The following PARN variants were observed in gnomAD, a reference collection of about 807,000 sequenced individuals.
The protein encoded by PARN is poly(A)-specific ribonuclease.
Under a neutral mutation model 102.8 loss-of-function variants are expected in PARN, and 71 were observed. The observed-to-expected ratio is 0.69, with a 90% confidence interval of 0.57 to 0.84. PARN has a LOEUF of 0.84. PARN is among the 40% of genes least tolerant of loss of function. PARN has a pLI of 0.00. For synonymous variants in PARN, 261 were observed against 252.9 expected, an observed-to-expected ratio of 1.03 and a Z score of -0.30; for missense variants, 782 against 760.9, an observed-to-expected ratio of 1.03 and a Z score of -0.33.
intron 22 of PARN, among the ~76,000 whole-genome samples, chr16:14,461,802 T>C (rs374462043): frequency 2.0e-5 from 3 of 152,342 alleles, no homozygotes; most frequent in South Asian, 2.1e-4. Flanking sequence ...CTTTTGATTA[T>C]CCATTTGAAA....
intron 21 of PARN, among the ~76,000 whole-genome samples, chr16:14,535,114 G>A (rs1300781030): frequency 1.3e-5 from 2 of 152,174 alleles, no homozygotes; most frequent in African/African-American, 2.4e-5. Context: ...GATTCCAGGC[G>A]TGAGCCATCG....
At chr16:14,589,739 G>A (rs889977353) in intron 13 of PARN, among the ~76,000 whole-genome samples, 7 of 151,528 alleles carry the variant, frequency 4.6e-5, no homozygotes, top group African/African-American at 7.3e-5. Context: ...GGTGGCAAGC[G>A]CCTGTTAATT....
chr16:14,606,838 G>A (rs957476621), intron 9 of PARN, among the ~76,000 whole-genome samples: 1 of 150,406 alleles, frequency 6.6e-6, no homozygotes, highest in East Asian at 2.0e-4. Flanking sequence ...CTGGAGGGCA[G>A]TGGCGCGATC....
At chr16:14,479,394 C>A (rs1288138703) in intron 22 of PARN, among the ~76,000 whole-genome samples, 1 of 151,656 alleles carries the variant, frequency 6.6e-6, no homozygotes, top group Non-Finnish European at 1.5e-5. Flanking sequence ...GTACTCTACC[C>A]TGGATGACAG....
intron 3 of PARN, 26 bp downstream of exon 3, chr16:14,628,146 A>G (rs763735993): frequency 2.2e-6 from 3 of 1,336,014 alleles, no homozygotes; most frequent in South Asian, 1.2e-5. Context: ...TGAGAAAGAA[A>G]AAGATTTCCT....
chr16:14,476,032 T>A (rs568986108), intron 22 of PARN, among the ~76,000 whole-genome samples: 1 of 152,236 alleles, frequency 6.6e-6, no homozygotes, highest in East Asian at 1.9e-4. Context: ...AGTAGTACAT[T>A]TTTTACTTGA....
chr16:14,551,570 AAAC>A (rs977782212), intron 21 of PARN, among the ~76,000 whole-genome samples: 9 of 152,166 alleles, frequency 5.9e-5, no homozygotes, highest in Non-Finnish European at 1.2e-4. Flanking sequence ...CTATGTCTCA[AAAC>A]AACAACAACA....
chr16:14,470,599 C>T (rs145135925), intron 22 of PARN, among the ~76,000 whole-genome samples: 1,999 of 147,052 alleles, frequency 0.014, 15 homozygotes, highest in Non-Finnish European at 0.023. Flanking sequence ...GCTGGGACTA[C>T]AGGGGCACAC....
chr16:14,477,857 C>T (rs538493073), intron 22 of PARN, among the ~76,000 whole-genome samples: 1 of 152,076 alleles, frequency 6.6e-6, no homozygotes, highest in African/African-American at 2.4e-5. Context: ...AAGAAAATTA[C>T]AGTCTAATAT....
chr16:14,588,777 G>C (rs1338901187), intron 13 of PARN, among the ~76,000 whole-genome samples: 1 of 152,106 alleles, frequency 6.6e-6, no homozygotes, highest in Non-Finnish European at 1.5e-5. Flanking sequence ...AGCTACTTGA[G>C]AGACTGAGAC....
chr16:14,608,692 C>A (rs1429779837), intron 8 of PARN, among the ~76,000 whole-genome samples: 2 of 152,166 alleles, frequency 1.3e-5, no homozygotes, highest in Non-Finnish European at 2.9e-5. Flanking sequence ...TGCTAATGTT[C>A]TCTGAATACA....
intron 13 of PARN, among the ~76,000 whole-genome samples, chr16:14,586,574 C>T (rs1485025632): frequency 1.3e-5 from 2 of 152,096 alleles, no homozygotes; most frequent in Non-Finnish European, 2.9e-5. Context: ...AACCTGATAA[C>T]TAACTTCTGC....
chr16:14,570,785 G>A (rs1170226458), intron 18 of PARN, among the ~76,000 whole-genome samples: 1 of 143,908 alleles, frequency 6.9e-6, no homozygotes, highest in Non-Finnish European at 1.5e-5. Flanking sequence ...CAAGACCAGC[G>A]AGGGCAACGT....
intron 21 of PARN, among the ~76,000 whole-genome samples, chr16:14,486,161 C>A (rs961848358): frequency 6.6e-6 from 1 of 152,064 alleles, no homozygotes. Context: ...TCGAGACCAG[C>A]CTGGACAATG....
At chr16:14,582,529 G>A (rs1472867643) in intron 16 of PARN, among the ~76,000 whole-genome samples, 2 of 152,030 alleles carry the variant, frequency 1.3e-5, no homozygotes, top group African/African-American at 4.8e-5. Flanking sequence ...GGACTCAGCC[G>A]TGGGCTTTCT....
intron 11 of PARN, among the ~76,000 whole-genome samples, chr16:14,601,583 A>G (rs1387537730): frequency 1.3e-5 from 2 of 152,176 alleles, no homozygotes; most frequent in African/African-American, 4.8e-5. Flanking sequence ...TACATTTAAT[A>G]GTTAAGATGA....
At chr16:14,494,869 T>C (rs1234428177) in intron 21 of PARN, among the ~76,000 whole-genome samples, 2 of 152,116 alleles carry the variant, frequency 1.3e-5, no homozygotes, top group Non-Finnish European at 1.5e-5. Flanking sequence ...GGTTGTGCCA[T>C]CTGGGACCAG....
chr16:14,538,877 C>T (rs186018549), intron 21 of PARN, among the ~76,000 whole-genome samples: 92 of 152,200 alleles, frequency 6.0e-4, no homozygotes, highest in Non-Finnish European at 1.0e-3. Context: ...CATTAGATTC[C>T]CGTAAGAACA....
At chr16:14,484,466 T>C (rs1479445620) in intron 21 of PARN, among the ~76,000 whole-genome samples, 1 of 152,226 alleles carries the variant, frequency 6.6e-6, no homozygotes, top group Non-Finnish European at 1.5e-5. Context: ...TTGTACCTGG[T>C]AGCTGCAAAG....
Sources: allele counts gnomAD v4.1 joint callset (sites outside exome capture counted in the v4.1 genomes callset), GRCh38; gene constraint gnomAD v4.1.1; transcripts MANE v1.5; gene names NCBI Gene and HGNC (gene_info 2026-07-23, HGNC 2026-07-21).